Variants in ZNF620 observed in about 807,000 individuals in gnomAD.
ZNF620 encodes the protein zinc finger protein 620.
In ZNF620, 10 loss-of-function variants were observed where a neutral mutation model predicts 13.3. The observed-to-expected ratio is 0.75, with a 90% confidence interval of 0.46 to 1.28. The LOEUF (loss-of-function observed/expected upper bound fraction) is 1.28, where lower values mean the gene tolerates loss of function less well. Ranked by LOEUF, ZNF620 falls within the 50% of genes most tolerant of loss-of-function variation. ZNF620 has a pLI of 0.00. For missense variants in ZNF620, 461 were observed against 500.2 expected, an observed-to-expected ratio of 0.92 and a Z score of 0.75; for synonymous variants, 166 against 177.6, an observed-to-expected ratio of 0.93 and a Z score of 0.52.
Position 40,516,955 on chromosome 3 carries a change from C to T in ZNF620, c.*92C>T, listed in dbSNP as rs56403587. On this transcript the variant is annotated 3_prime_UTR_variant, in exon 5 of 5. Transcript: ENST00000314529. ...GTCCTCGCTGTCCTTCCTGGTTAGA[C>T]ACTTGGCTTTCATCATGAACTCTTC... 6 of 1,408,570 alleles carry T rather than the reference C, an allele frequency of 4.3e-6. No individual in the cohort carries two copies. The highest frequency in any genetic ancestry group is 5.7e-6 in the Non-Finnish European group (6 of 1,048,944). The allele number at this position is 1,408,570 out of a possible 1,614,324, so 87.3% of individuals were successfully genotyped here. A position where few individuals can be genotyped will look rare whatever the true frequency, so the allele number is the denominator to read the frequency against.
In ZNF620 at chr3:40,506,366, C is replaced by T. The variant is rs1698016329; in HGVS notation, c.14C>T (p.Ala5Val). Residue 5 changes from alanine (A) to valine (V), a missense_variant, in exon 2 of 5, where the codon GCT becomes GTT. By Grantham distance (64) the Ala-to-Val change is moderately conservative. Coordinates refer to ENST00000314529, the MANE Select transcript of ZNF620 (RefSeq NM_175888.4). ...GGGACGCCAGCCATGTTCCAGACCG[C>T]TTGGCGCCAGGTGAGTGAGCATCCT... MFQT[A>V]WRQEPVTFED... 1.9e-6 allele frequency: 3 copies of T among 1,614,062 alleles called. No homozygotes were observed. Among genetic ancestry groups the T allele is most frequent in the Non-Finnish European group, 1.7e-6 (2 of 1,180,014 alleles).
At chr3:40,507,289 A>G (rs2125654705) in intron 2 of ZNF620, among the ~76,000 whole-genome samples, 1 of 152,040 alleles carries the variant, frequency 6.6e-6, no homozygotes, top group East Asian at 1.9e-4. Context: ...ACCAGGTTTC[A>G]CCATGTTGGC....
rs1432027425 is a variant in ZNF620, at chr3:40,516,837, A to T, written c.1243A>T (p.Thr415Ser). The change falls in exon 5 of 5, where the codon ACT (threonine) becomes TCT (serine). Residue 415 changes from threonine (T) to serine (S), a missense_variant. Transcript: ENST00000314529. ...GRFILHQKLH[T>S]QKTPVQA ...ATTCATTCTGCATCAGAAACTACAC[A>T]CTCAGAAGACACCTGTCCAAGCATA... 1 of 1,610,430 alleles carries T rather than the reference A, an allele frequency of 6.2e-7. No individual in the cohort carries two copies. Among genetic ancestry groups the T allele is most frequent in the Admixed American group, 1.7e-5 (1 of 59,906 alleles).
chr3:40,512,879 T>G (rs1463237196), intron 4 of ZNF620, among the ~76,000 whole-genome samples: 1 of 152,228 alleles, frequency 6.6e-6, no homozygotes, highest in Non-Finnish European at 1.5e-5. Flanking sequence ...CAGCCACCTT[T>G]GGAGGAAAAT....
In ZNF620 at chr3:40,506,123, G is replaced by A. The variant is rs1698007515; in HGVS notation, c.-65G>A. 1 of 617,004 alleles carries A rather than the reference G, an allele frequency of 1.6e-6. No homozygotes were observed. Among genetic ancestry groups the A allele is most frequent in the Non-Finnish European group, 2.9e-6 (1 of 344,464 alleles). The allele number at this position is 617,004 out of a possible 1,614,324, so 38.2% of individuals were successfully genotyped here. A position where few individuals can be genotyped will look rare whatever the true frequency, so the allele number is the denominator to read the frequency against. On this transcript the variant is annotated 5_prime_UTR_variant, in exon 1 of 5. Coordinates refer to ENST00000314529, the MANE Select transcript of ZNF620 (RefSeq NM_175888.4). ...CGCGGGATTCGCGGTCCGAGCTGAA[G>A]AGGTTCGCGGTCCGGGTAACTGATT...
rs771330146 is a variant in ZNF620 at position 40,512,449 on chromosome 3, G to A, written c.199G>A (p.Glu67Lys). 6.2e-7 allele frequency: 1 copy of A among 1,614,240 alleles called. No homozygotes were observed. Among genetic ancestry groups the A allele is most frequent in the East Asian group, 2.2e-5 (1 of 44,888 alleles). Residue 67 changes from glutamate to lysine, a missense_variant, in exon 4 of 5, where the codon GAA becomes AAA. By Grantham distance (56) the Glu-to-Lys change is moderately conservative. Coordinates refer to ENST00000314529, the MANE Select transcript of ZNF620 (RefSeq NM_175888.4). ...TCTGGTCTCCCAGCTGGAGCAAGGG[G>A]AACTGCCATGGGGCCTCGATCCCTG... The part of the protein sequence containing the change: ...PVLVSQLEQG[E>K]LPWGLDPWEP...
In ZNF620 at chr3:40,515,780, TTGTGTGTG is replaced by T. The variant is rs10550548; in HGVS notation, c.266-47_266-40del. ...TTCTGTTTCTTCTTCAGCACAGATATTGTGTGTGTGTGTGTGTGTGTGTGTGTGTGTGT... is the reference window on the plus strand; with the variant it reads ...TTCTGTTTCTTCTTCAGCACAGATATTGTGTGTGTGTGTGTGTGTGTGTGT... On this transcript the variant is annotated intron_variant, in intron 4 of 4. Transcript: ENST00000314529. 10,018 of 940,342 alleles carry T rather than the reference TTGTGTGTG, an allele frequency of 0.011. 223 individuals are homozygous for T. The African/African-American group carries it at 0.11, about 10-fold the overall frequency. 58.2% of individuals were successfully genotyped at this position (940,342 alleles called of 1,614,324 possible). A position where few individuals can be genotyped will look rare whatever the true frequency, so the allele number is the denominator to read the frequency against.
chr3:40,511,677 T>C (rs1698202969), intron 3 of ZNF620, 81 bp downstream of exon 3: 2 of 1,535,268 alleles, frequency 1.3e-6, no homozygotes, highest in Non-Finnish European at 1.7e-6. Flanking sequence ...GTGGGGTTTT[T>C]TTCTTTTTTT....
chr3:40,506,315 C>T lies in ZNF620; in HGVS notation c.-38C>T. On this transcript the variant is annotated 5_prime_UTR_variant, in exon 2 of 5. Coordinates refer to ENST00000314529, the MANE Select transcript of ZNF620 (RefSeq NM_175888.4). ...TATTTTCTCTTCAGTTTCACTTCTCCGAACCCTGAGGCAGTGTGTGAAGCT... is the reference window on the plus strand; with the variant it reads ...TATTTTCTCTTCAGTTTCACTTCTCTGAACCCTGAGGCAGTGTGTGAAGCT... The T allele has an allele frequency of 6.2e-7, 1 of 1,613,904 alleles. No homozygotes were observed. The highest frequency in any genetic ancestry group is 1.3e-5 in the African/African-American group (1 of 75,024).
intron 4 of ZNF620, 32 bp from the exon 5 acceptor site, chr3:40,515,828 G>A: frequency 1.3e-5 from 18 of 1,408,628 alleles, no homozygotes; most frequent in Non-Finnish European, 1.8e-5. Context: ...GTGATATCAG[G>A]GACTGACATT....
At chr3:40,511,367 A>G in intron 2 of ZNF620, 103 bp from the exon 3 acceptor site, 3 of 1,478,572 alleles carry the variant, frequency 2.0e-6, no homozygotes, top group Non-Finnish European at 2.7e-6. Context: ...AGTGCTGGAT[A>G]ACTGTCCTTG....
chr3:40,515,954 A>G lies in ZNF620; in HGVS notation c.360A>G (p.Pro120=), dbSNP rs1698365259. 1 of 1,614,202 alleles carries G rather than the reference A, an allele frequency of 6.2e-7. No individual in the cohort carries two copies. The highest frequency in any genetic ancestry group is 8.5e-7 in the Non-Finnish European group (1 of 1,180,034). The change falls in exon 5 of 5, where the codon CCA becomes CCG. Residue 120 remains proline, a synonymous_variant. Transcript: ENST00000314529. ...TCAGACTGATGGTGGGGGGCCTGCCAGGGAATGTTTCCCAGCACCTTGACT... is the reference window on the plus strand; with the variant it reads ...TCAGACTGATGGTGGGGGGCCTGCCGGGGAATGTTTCCCAGCACCTTGACT... The part of the protein sequence containing the change: ...ESFRLMVGGL[P]GNVSQHLDFG...
At chr3:40,512,029 G>A (rs1409419934) in intron 3 of ZNF620, among the ~76,000 whole-genome samples, 2 of 152,104 alleles carry the variant, frequency 1.3e-5, no homozygotes, top group African/African-American at 2.4e-5. Context: ...CCTGAAGGCT[G>A]AGCTGCCTGG....
intron 3 of ZNF620, among the ~76,000 whole-genome samples, chr3:40,512,140 C>T (rs920037515): frequency 3.9e-5 from 6 of 152,212 alleles, no homozygotes; most frequent in African/African-American, 1.4e-4. Context: ...GGGAAAGGAG[C>T]TCTTGGGAGC....
chr3:40,510,406 C>T (rs183184695), intron 2 of ZNF620, among the ~76,000 whole-genome samples: 2 of 152,276 alleles, frequency 1.3e-5, no homozygotes, highest in African/African-American at 4.8e-5. Flanking sequence ...TCTCTGAAAG[C>T]CTGTAGGATC....
rs187480039 is a variant in ZNF620 at position 40,516,442 on chromosome 3, A to C, written c.848A>C (p.Lys283Thr). Residue 283 changes from lysine to threonine, a missense_variant, in exon 5 of 5, where the codon AAG becomes ACG. Coordinates refer to ENST00000314529, the MANE Select transcript of ZNF620 (RefSeq NM_175888.4). ...ACTGGAGAAAAGCCCTATGAATGTA[A>C]GGAGTGCGGCAAGGCCTTCAGTAGC... ...IHTGEKPYEC[K>T]ECGKAFSSSS... 80 of 1,614,170 alleles carry C rather than the reference A, an allele frequency of 5.0e-5. No individual in the cohort carries two copies. In the Admixed American group the frequency reaches 9.8e-4, roughly 20 times the overall value.
At chr3:40,510,246 G>GGGAGGCC (rs879453688) in intron 2 of ZNF620, among the ~76,000 whole-genome samples, 1 of 152,046 alleles carries the variant, frequency 6.6e-6, no homozygotes, top group Non-Finnish European at 1.5e-5. Flanking sequence ...CTTCTGAGCT[G>GGGAGGCC]AAGCAATCTT....
intron 4 of ZNF620, among the ~76,000 whole-genome samples, chr3:40,513,340 T>A (rs1333017550): frequency 2.2e-5 from 3 of 135,408 alleles, no homozygotes; most frequent in African/African-American, 5.6e-5. Context: ...TATATATATA[T>A]ATATATATAT....
At chr3:40,506,520 T>A in intron 2 of ZNF620, 144 bp downstream of exon 2, 1 of 993,456 alleles carries the variant, frequency 1.0e-6, no homozygotes. Flanking sequence ...GAGGTGAGAA[T>A]GCCCAAATTA....
Sources: allele counts gnomAD v4.1 joint callset (sites outside exome capture counted in the v4.1 genomes callset), GRCh38; gene constraint gnomAD v4.1.1; transcripts MANE v1.5; gene names NCBI Gene and HGNC (gene_info 2026-07-23, HGNC 2026-07-21).